OSBPL8: variants seen among roughly 807,000 people sequenced by gnomAD.
The protein encoded by OSBPL8 is oxysterol-binding protein-related protein 8.
In OSBPL8, 59 loss-of-function variants were observed where a neutral mutation model predicts 125.5. The observed-to-expected ratio is 0.47, with a 90% CI of 0.38 to 0.58. The LOEUF is 0.58. Ranked by LOEUF, OSBPL8 falls within the 20% of genes least tolerant of loss-of-function variation. OSBPL8 has a pLI of 0.00. For synonymous variants in OSBPL8, 330 were observed against 338.9 expected (o/e 0.97, Z 0.29); for missense variants, 758 against 1,047.8 (o/e 0.72, Z 3.82).
intron 1 of OSBPL8, among the ~76,000 whole-genome samples, chr12:76,528,434 T>G (rs1384533285): frequency 6.6e-6 from 1 of 152,136 alleles, no homozygotes; most frequent in Non-Finnish European, 1.5e-5. Flanking sequence ...GAGTTAGTTT[T>G]GATTACCAGA....
intron 3 of OSBPL8, among the ~76,000 whole-genome samples, chr12:76,456,477 C>A (rs539892685): frequency 6.6e-6 from 1 of 152,038 alleles, no homozygotes; most frequent in East Asian, 1.9e-4. Flanking sequence ...ACGGTGAAAC[C>A]CCATCTCTAC....
At chr12:76,482,335 C>G (rs2136992490) in intron 2 of OSBPL8, among the ~76,000 whole-genome samples, 1 of 152,248 alleles carries the variant, frequency 6.6e-6, no homozygotes, top group South Asian at 2.1e-4. Flanking sequence ...AAAGATAGGC[C>G]AGGTGCAGTG....
chr12:76,433,551 A>C (rs1023988325), intron 4 of OSBPL8, among the ~76,000 whole-genome samples: 11 of 152,172 alleles, frequency 7.2e-5, no homozygotes, highest in Non-Finnish European at 1.6e-4. Context: ...GAAAGAAGAC[A>C]CAGATAAATG....
intron 21 of OSBPL8, among the ~76,000 whole-genome samples, chr12:76,360,920 T>C (rs1366828804): frequency 1.3e-5 from 2 of 152,176 alleles, no homozygotes; most frequent in African/African-American, 4.8e-5. Flanking sequence ...TTTTTCCTCC[T>C]AGGCTTCCAG....
At chr12:76,378,574 A>T in intron 15 of OSBPL8, 24 bp from the exon 16 acceptor site, 2 of 1,495,300 alleles carry the variant, frequency 1.3e-6, no homozygotes, top group South Asian at 1.2e-5. Context: ...TTGTTTATTA[A>T]ATTTCACAAA....
chr12:76,388,529 G>A (rs559142747), intron 12 of OSBPL8, among the ~76,000 whole-genome samples: 56 of 152,252 alleles, frequency 3.7e-4, no homozygotes, highest in Non-Finnish European at 6.2e-4. Flanking sequence ...TTTCTAGACC[G>A]ACAAAAGTGC....
At position 76,457,026 on chromosome 12, in the gene OSBPL8, G is replaced by A. The variant is rs145800192; in HGVS notation, c.79+2833C>T. On this transcript the variant is annotated intron_variant, in intron 3 of 23. Coordinates refer to ENST00000261183, the MANE Select transcript of OSBPL8 (RefSeq NM_020841.5). Reference sequence around the variant, plus strand: ...TGGTACTTCACATGGGTCCCATAGCGTTATTCAAGGTTTACAATATTGCAC... The same window carrying A: ...TGGTACTTCACATGGGTCCCATAGCATTATTCAAGGTTTACAATATTGCAC... Among the ~76,000 whole-genome samples the A allele has an allele frequency of 2.3e-3, 347 of 152,252 alleles. 2 individuals are homozygous for A. The highest frequency in any genetic ancestry group is 7.3e-3 in the African/African-American group (304 of 41,546).
rs1043639120 is a variant in OSBPL8 at position 76,532,510 on chromosome 12, A to C, written c.-68+26887T>G. Reference sequence around the variant, plus strand: ...AGGCTGAAAGGCTTGGGTTCAGCCAATGAAGTTAATATTGTATTATAAGAT... The same window carrying C: ...AGGCTGAAAGGCTTGGGTTCAGCCACTGAAGTTAATATTGTATTATAAGAT... On this transcript the variant is annotated intron_variant, in intron 1 of 23. Coordinates refer to ENST00000261183, the MANE Select transcript of OSBPL8 (RefSeq NM_020841.5). Among the ~76,000 whole-genome samples the C allele has an allele frequency of 1.3e-5, 2 of 152,216 alleles. 1 individual carries two copies. Among genetic ancestry groups the C allele is most frequent in the South Asian group, 4.1e-4 (2 of 4,832 alleles).
chr12:76,358,765 T>A lies in OSBPL8; in HGVS notation c.2375A>T (p.Lys792Ile), dbSNP rs745472849. 2.1e-5 allele frequency: 34 copies of A among 1,614,048 alleles called. No individual in the cohort carries two copies. The highest frequency in any genetic ancestry group is 2.9e-5 in the Non-Finnish European group (34 of 1,180,012). Residue 792 changes from lysine to isoleucine, a missense_variant, in exon 22 of 24, where the codon AAA becomes ATA. By Grantham distance (102) the Lys-to-Ile change is moderately radical. Transcript: ENST00000261183. ...TGGGGAGGAATAGCCTTTTGCTACT[T>A]TCTTCTGTTGCCTGGTTGGCTTATG... ...MKHKPTRQQKKVAKGYSSPEP... is the reference protein window; with the variant it reads ...MKHKPTRQQKIVAKGYSSPEP...
At chr12:76,465,897 T>C (rs1875363223) in intron 2 of OSBPL8, among the ~76,000 whole-genome samples, 2 of 152,058 alleles carry the variant, frequency 1.3e-5, no homozygotes, top group South Asian at 4.2e-4. Flanking sequence ...TCCCAGATAC[T>C]CTGGAGGCTG....
rs369737536 is a variant in OSBPL8, at chr12:76,369,817, C to T, written c.2060G>A (p.Trp687Ter). 1 of 1,612,050 alleles carries T rather than the reference C, an allele frequency of 6.2e-7. No homozygotes were observed. Among genetic ancestry groups the T allele is most frequent in the African/African-American group, 1.3e-5 (1 of 74,760 alleles). The stretch of plus-strand genomic sequence containing the variant: ...ATTTATGGCTCGAGTTACCCGTTGC[C>T]AGAGTCTAATACATGTGCGAAAATA... Reference protein sequence around the residue: ...EQGDFESEKLWQRVTRAINAK... With the variant: ...EQGDFESEKL The change falls in exon 20 of 24, where the codon TGG becomes TAG. Residue 687 changes from tryptophan (W) to a stop codon, truncating the protein, a stop_gained. Coordinates refer to ENST00000261183, the MANE Select transcript of OSBPL8 (RefSeq NM_020841.5). LOFTEE classifies it high-confidence loss of function.
At chr12:76,513,050 C>A (rs1014083929) in intron 1 of OSBPL8, among the ~76,000 whole-genome samples, 2 of 152,194 alleles carry the variant, frequency 1.3e-5, no homozygotes, top group African/African-American at 4.8e-5. Flanking sequence ...CTTTGCTGAA[C>A]TTACCCAAAA....
intron 1 of OSBPL8, among the ~76,000 whole-genome samples, chr12:76,542,915 C>G (rs187699106): frequency 6.6e-6 from 1 of 152,284 alleles, no homozygotes; most frequent in Admixed American, 6.5e-5. Context: ...TTAGCAAAGC[C>G]CAAGTTCCTT....
intron 16 of OSBPL8, among the ~76,000 whole-genome samples, chr12:76,376,315 T>G (rs1358903887): frequency 1.3e-5 from 2 of 152,240 alleles, no homozygotes; most frequent in African/African-American, 4.8e-5. Flanking sequence ...TAAGGCAGCC[T>G]TTAACATGCA....
chr12:76,358,643 C>A, intron 22 of OSBPL8, 63 bp downstream of exon 22: 1 of 1,351,330 alleles, frequency 7.4e-7, no homozygotes, highest in East Asian at 2.3e-5. Flanking sequence ...AAACCATATT[C>A]ATATCAAATT....
In OSBPL8 at chr12:76,356,025, T is replaced by C. The variant is rs1424826041; in HGVS notation, c.2538-4A>G. The C allele has an allele frequency of 1.2e-6, 2 of 1,602,928 alleles. No homozygotes were observed. Among genetic ancestry groups the C allele is most frequent in the Non-Finnish European group, 1.7e-6 (2 of 1,176,812 alleles). On this transcript the variant is annotated splice_polypyrimidine_tract_variant and splice_region_variant and intron_variant, in intron 23 of 23. Coordinates refer to ENST00000261183, the MANE Select transcript of OSBPL8 (RefSeq NM_020841.5). ...ATTTCGAAGAGCCATAATATTTCTA[T>C]AAAAATAAGCAACAACAAATTTTGT...
At position 76,394,834 on chromosome 12, in the gene OSBPL8, T is replaced by G. The variant is rs551628008; in HGVS notation, c.673-105A>C. The G allele has an allele frequency of 7.5e-5, 58 of 775,984 alleles. 2 individuals are homozygous for G. The South Asian group carries it at 1.4e-3, about 19-fold the overall frequency. The allele number at this position is 775,984 out of a possible 1,614,324, so 48.1% of individuals were successfully genotyped here. A position where few individuals can be genotyped will look rare whatever the true frequency, so the allele number is the denominator to read the frequency against. On this transcript the variant is annotated intron_variant, in intron 8 of 23. Coordinates refer to ENST00000261183, the MANE Select transcript of OSBPL8 (RefSeq NM_020841.5). ...GTAATAATCTAAATCAGGTATGGAT[T>G]ATAATCTAAAGGCAAATGAGCTTTA...
At chr12:76,498,725 CTTTTTTTTTT>C (rs369287376) in intron 1 of OSBPL8, among the ~76,000 whole-genome samples, 1 of 102,498 alleles carries the variant, frequency 9.8e-6, no homozygotes, top group Non-Finnish European at 1.8e-5. Context: ...AGCCTCCCCA[CTTTTTTTTTT>C]TTTTTTTTTT....
intron 13 of OSBPL8, 76 bp from the exon 14 acceptor site, chr12:76,386,342 G>T (rs1384129639): frequency 1.3e-6 from 2 of 1,489,962 alleles, no homozygotes; most frequent in South Asian, 1.4e-5. Context: ...GTCAAAATGG[G>T]TTTAACTCTA....
Sources: allele counts gnomAD v4.1 joint callset (sites outside exome capture counted in the v4.1 genomes callset), GRCh38; gene constraint gnomAD v4.1.1; transcripts MANE v1.5; gene names NCBI Gene and HGNC (gene_info 2026-07-23, HGNC 2026-07-21).